Variants in SEC22A observed in about 807,000 individuals in gnomAD.
SEC22A encodes SEC22 homolog A, vesicle trafficking protein.
SEC22A carries 22 observed loss-of-function variants against 35.3 expected under a neutral mutation model. The observed-to-expected ratio is 0.62, with a 90% CI of 0.45 to 0.89. SEC22A has a LOEUF of 0.89. Among genes scored for constraint, SEC22A ranks in the 40% least tolerant of loss-of-function variants. The pLI is 0.00. For synonymous variants in SEC22A, 119 were observed against 129.5 expected (o/e 0.92, Z 0.55); for missense variants, 354 against 362.5 (o/e 0.98, Z 0.19).
intron 2 of SEC22A, among the ~76,000 whole-genome samples, chr3:123,222,415 T>G (rs1420359019): frequency 1.3e-5 from 2 of 152,066 alleles, no homozygotes; most frequent in African/African-American, 4.8e-5. Flanking sequence ...GCCAGGCTGG[T>G]CTCAAGTTCC....
In SEC22A at chr3:123,271,651, G is replaced by A. The variant is rs546430598; in HGVS notation, c.853G>A (p.Val285Met). The change falls in exon 7 of 7, where the codon GTG becomes ATG. Residue 285 changes from valine (V) to methionine (M), a missense_variant. Val to Met is a conservative substitution (Grantham distance 21, BLOSUM62 1). Transcript: ENST00000492595. ...CTGGCAGCTTTTCTTTCATGTGACT[G>A]TGGGAGCATTTGTTACACTACAGAT... ...NLWQLFFHVT[V>M]GAFVTLQIWL... 5 of 1,614,214 alleles carry A rather than the reference G, an allele frequency of 3.1e-6. No homozygotes were observed. In the African/African-American group the frequency reaches 4.0e-5, roughly 13 times the overall value.
At chr3:123,216,966 A>G (rs530442317) in intron 2 of SEC22A, among the ~76,000 whole-genome samples, 14 of 152,142 alleles carry the variant, frequency 9.2e-5, no homozygotes, top group African/African-American at 3.1e-4. Context: ...AGCTGTGACT[A>G]TGGGTGTGCA....
chr3:123,217,457 C>T (rs1401483245), intron 2 of SEC22A, among the ~76,000 whole-genome samples: 1 of 151,494 alleles, frequency 6.6e-6, no homozygotes, highest in Non-Finnish European at 1.5e-5. Flanking sequence ...TCATGATCTG[C>T]CCTCCTCGGC....
At chr3:123,220,347 A>G (rs1164003169) in intron 2 of SEC22A, among the ~76,000 whole-genome samples, 2 of 152,182 alleles carry the variant, frequency 1.3e-5, no homozygotes, top group East Asian at 3.8e-4. Flanking sequence ...TATTGAGGTT[A>G]TTATGGGGTA....
intron 4 of SEC22A, among the ~76,000 whole-genome samples, chr3:123,239,508 T>G (rs1351416251): frequency 6.6e-6 from 1 of 151,638 alleles, no homozygotes; most frequent in Non-Finnish European, 1.5e-5. Context: ...CATGTGTCCA[T>G]GTGTTCTCAT....
chr3:123,236,228 A>T (rs1937416917), intron 4 of SEC22A, among the ~76,000 whole-genome samples: 1 of 152,230 alleles, frequency 6.6e-6, no homozygotes, highest in African/African-American at 2.4e-5. Flanking sequence ...AAAATCACTA[A>T]TAAGTTCGAT....
intron 4 of SEC22A, among the ~76,000 whole-genome samples, chr3:123,234,438 A>G (rs1937380450): frequency 1.3e-5 from 2 of 152,168 alleles, no homozygotes; most frequent in African/African-American, 4.8e-5. Context: ...AGATCAATGG[A>G]GTAGAATTGA....
chr3:123,229,415 T>G (rs1049026623), intron 4 of SEC22A, among the ~76,000 whole-genome samples: 5 of 152,130 alleles, frequency 3.3e-5, no homozygotes, highest in African/African-American at 1.2e-4. Flanking sequence ...ACATACAAAT[T>G]GCTGAAAGAA....
At chr3:123,217,492 C>T (rs1013350768) in intron 2 of SEC22A, among the ~76,000 whole-genome samples, 6 of 151,318 alleles carry the variant, frequency 4.0e-5, no homozygotes, top group Non-Finnish European at 5.9e-5. Flanking sequence ...GGATTACAGG[C>T]GTGAGCCACC....
At chr3:123,223,934 C>T (rs963956075) in intron 3 of SEC22A, among the ~76,000 whole-genome samples, 3 of 151,972 alleles carry the variant, frequency 2.0e-5, no homozygotes, top group Admixed American at 1.3e-4. Flanking sequence ...AGTATTGGTC[C>T]GAAGAATTAA....
chr3:123,204,930 C>T (rs1936823808), intron 1 of SEC22A: 1 of 152,192 alleles, frequency 6.6e-6, no homozygotes, highest in South Asian at 2.1e-4. Context: ...TCCACTGGTT[C>T]TTCCTTGGGA....
chr3:123,223,468 G>A, intron 2 of SEC22A, 91 bp from the exon 3 acceptor site: 1 of 939,262 alleles, frequency 1.1e-6, no homozygotes, highest in Non-Finnish European at 1.6e-6. Flanking sequence ...CACCGTAGTA[G>A]CAGTTTATGG....
intron 2 of SEC22A, among the ~76,000 whole-genome samples, chr3:123,209,883 A>G (rs1161666947): frequency 6.6e-6 from 1 of 152,200 alleles, no homozygotes; most frequent in Non-Finnish European, 1.5e-5. Flanking sequence ...GCAGAGACCT[A>G]AAAGATGAGA....
intron 4 of SEC22A, among the ~76,000 whole-genome samples, chr3:123,235,277 C>T (rs978387378): frequency 7.2e-5 from 11 of 152,220 alleles, no homozygotes; most frequent in Admixed American, 7.2e-4. Flanking sequence ...ACTTGTAAAT[C>T]ATATGTCTGA....
chr3:123,211,925 A>G (rs1936944438), intron 2 of SEC22A, among the ~76,000 whole-genome samples: 1 of 152,100 alleles, frequency 6.6e-6, no homozygotes, highest in Admixed American at 6.6e-5. Context: ...AAAATTAGCC[A>G]GGCGTGACAT....
At chr3:123,245,302 A>T (rs542185620) in intron 4 of SEC22A, among the ~76,000 whole-genome samples, 23 of 152,352 alleles carry the variant, frequency 1.5e-4, no homozygotes, top group Non-Finnish European at 3.1e-4. Context: ...AATAGTAGAC[A>T]TATTTATGCA....
chr3:123,239,400 CTCG>C (rs1937484128), intron 4 of SEC22A, among the ~76,000 whole-genome samples: 2 of 152,098 alleles, frequency 1.3e-5, no homozygotes, highest in Non-Finnish European at 1.5e-5. Context: ...CACCCATTAA[CTCG>C]TCATTTAGCA....
At chr3:123,262,775 A>G (rs1362107673) in intron 6 of SEC22A, among the ~76,000 whole-genome samples, 2 of 152,176 alleles carry the variant, frequency 1.3e-5, no homozygotes, top group Admixed American at 6.5e-5. Flanking sequence ...ATGTGACCCT[A>G]TCGTAAGCCA....
At chr3:123,223,033 C>T (rs1317538542) in intron 2 of SEC22A, among the ~76,000 whole-genome samples, 1 of 152,182 alleles carries the variant, frequency 6.6e-6, no homozygotes, top group Admixed American at 6.5e-5. Flanking sequence ...ATAAATTCCC[C>T]CCTCCCATGG....
Sources: gnomAD v4.1 joint callset for allele counts (sites outside exome capture counted in the v4.1 genomes callset) on GRCh38, gnomAD v4.1.1 for gene constraint, MANE v1.5 for transcripts, NCBI Gene and HGNC (gene_info 2026-07-23, HGNC 2026-07-21) for gene names.